MYO18B: variants seen among roughly 807,000 people sequenced by gnomAD.
MYO18B encodes the protein unconventional myosin-XVIIIb.
In MYO18B, 204 loss-of-function variants were observed where a neutral mutation model predicts 273.0. The ratio of observed to expected loss-of-function variants is 0.75; its 90% confidence interval spans 0.67 to 0.84. The LOEUF (loss-of-function observed/expected upper bound fraction) is 0.84. MYO18B is among the 40% of genes least tolerant of loss of function. MYO18B has a pLI of 0.00. For synonymous variants in MYO18B, 1,330 were observed against 1,305.7 expected, an observed-to-expected ratio of 1.02 and a Z score of -0.40; for missense variants, 3,212 against 3,287.6, an observed-to-expected ratio of 0.98 and a Z score of 0.56.
At chr22:25,944,824 G>A (rs1180164830) in intron 34 of MYO18B, among the ~76,000 whole-genome samples, 1 of 148,822 alleles carries the variant, frequency 6.7e-6, no homozygotes, top group Non-Finnish European at 1.5e-5. Flanking sequence ...TCCATCGTGG[G>A]CGACAGAGCA....
chr22:25,759,802 C>T (rs2086244805), intron 1 of MYO18B, among the ~76,000 whole-genome samples: 1 of 152,150 alleles, frequency 6.6e-6, no homozygotes, highest in Admixed American at 6.5e-5. Context: ...CATACTGTTA[C>T]TGCGAATTGG....
chr22:25,954,475 T>C (rs1288099487), intron 38 of MYO18B, among the ~76,000 whole-genome samples: 1 of 151,888 alleles, frequency 6.6e-6, no homozygotes, highest in African/African-American at 2.4e-5. Context: ...CCATCCCTTA[T>C]CTGGCACATC....
At chr22:25,818,570 G>T (rs533599114) in intron 12 of MYO18B, among the ~76,000 whole-genome samples, 8 of 152,330 alleles carry the variant, frequency 5.3e-5, no homozygotes, top group Middle Eastern at 3.4e-3. Context: ...TTGAGAAGAA[G>T]TGACCTCAGC....
chr22:25,882,627 G>A (rs924250025), intron 25 of MYO18B, among the ~76,000 whole-genome samples: 9 of 152,192 alleles, frequency 5.9e-5, no homozygotes, highest in Non-Finnish European at 8.8e-5. Context: ...CAGGAAGCAC[G>A]TTTGATGACT....
intron 39 of MYO18B, among the ~76,000 whole-genome samples, chr22:25,981,600 C>G: frequency 6.6e-6 from 1 of 152,142 alleles, no homozygotes; most frequent in South Asian, 2.1e-4. Flanking sequence ...AAAAAATTAG[C>G]CTGGTGTGAT....
intron 17 of MYO18B, among the ~76,000 whole-genome samples, chr22:25,835,823 G>A (rs1194763998): frequency 2.0e-5 from 3 of 152,248 alleles, no homozygotes; most frequent in Admixed American, 6.5e-5. Flanking sequence ...CTAACAGAGA[G>A]CCAGGAACAC....
intron 34 of MYO18B, among the ~76,000 whole-genome samples, chr22:25,936,071 G>A (rs1210833813): frequency 1.3e-5 from 2 of 152,228 alleles, no homozygotes; most frequent in Non-Finnish European, 2.9e-5. Context: ...GGAGCCCAGT[G>A]TCCAGTGGGG....
At chr22:25,800,174 G>A (rs1191538837) in intron 12 of MYO18B, among the ~76,000 whole-genome samples, 2 of 151,964 alleles carry the variant, frequency 1.3e-5, no homozygotes, top group African/African-American at 4.8e-5. Context: ...TAGACTTTGG[G>A]GACTCAGGAG....
chr22:25,750,595 C>T (rs2085904145), intron 1 of MYO18B, among the ~76,000 whole-genome samples: 1 of 152,102 alleles, frequency 6.6e-6, no homozygotes, highest in Non-Finnish European at 1.5e-5. Context: ...CCTCCAGGAA[C>T]CTTGTGGAAC....
At chr22:25,781,171 A>G (rs890481626) in intron 9 of MYO18B, among the ~76,000 whole-genome samples, 6 of 152,218 alleles carry the variant, frequency 3.9e-5, no homozygotes, top group African/African-American at 1.4e-4. Flanking sequence ...TTTGATTGTT[A>G]TTACCTTTGA....
At chr22:25,886,109 C>T (rs1351953043) in intron 25 of MYO18B, among the ~76,000 whole-genome samples, 1 of 152,246 alleles carries the variant, frequency 6.6e-6, no homozygotes, top group Non-Finnish European at 1.5e-5. Context: ...TCAGTTTCCC[C>T]ATCTGCCACC....
intron 39 of MYO18B, among the ~76,000 whole-genome samples, chr22:25,959,767 G>A (rs1469613042): frequency 6.6e-6 from 1 of 152,202 alleles, no homozygotes. Flanking sequence ...GGAGGGGCCC[G>A]GGTGTGAGGT....
Position 25,946,259 on chromosome 22 carries a change from C to T in MYO18B, c.5631+9C>T. ...CGCGGAACAAGAGCCTGGTACCTGT[C>T]CCTTCCTGCAGCTGCAGGGACCTGG... On this transcript the variant is annotated intron_variant, in intron 35 of 43. Coordinates refer to ENST00000335473, the MANE Select transcript of MYO18B (RefSeq NM_032608.7). The T allele has an allele frequency of 6.4e-7, 1 of 1,556,556 alleles. No individual in the cohort carries two copies. Among genetic ancestry groups the T allele is most frequent in the Non-Finnish European group, 8.7e-7 (1 of 1,150,086 alleles).
At chr22:25,858,149 G>A (rs1601375830) in intron 21 of MYO18B, among the ~76,000 whole-genome samples, 1 of 152,246 alleles carries the variant, frequency 6.6e-6, no homozygotes, top group South Asian at 2.1e-4. Flanking sequence ...GGCCACTTGT[G>A]TGAGAGGCTC....
intron 14 of MYO18B, among the ~76,000 whole-genome samples, 168 bp downstream of exon 14, chr22:25,826,667 C>T (rs1052369826): frequency 7.2e-5 from 11 of 152,142 alleles, no homozygotes; most frequent in South Asian, 2.1e-4. Flanking sequence ...GCTGTGAGGT[C>T]GGCAAATCAG....
In MYO18B at chr22:25,780,021, A is replaced by G. The variant is rs1324178471; in HGVS notation, c.2069-35A>G. On this transcript the variant is annotated intron_variant, in intron 8 of 43. Transcript: ENST00000335473. ...AGGTGGCAGTGGCAGCACCTGGGCC[A>G]TCAGTGACATGTGGCCCCATGCTGC... is the stretch of plus-strand genomic sequence containing the variant. 3.2e-6 allele frequency: 5 copies of G among 1,539,118 alleles called. 1 individual carries two copies. In the Admixed American group the frequency reaches 7.6e-5, roughly 23 times the overall value.
At chr22:25,872,009 C>T (rs1305829125) in intron 22 of MYO18B, among the ~76,000 whole-genome samples, 2 of 151,830 alleles carry the variant, frequency 1.3e-5, no homozygotes, top group Non-Finnish European at 2.9e-5. Flanking sequence ...TTGGGACTCA[C>T]TAGCTTGTGA....
chr22:25,916,105 C>G (rs1403273985), intron 33 of MYO18B, among the ~76,000 whole-genome samples: 2 of 152,116 alleles, frequency 1.3e-5, no homozygotes, highest in Admixed American at 6.5e-5. Flanking sequence ...ATTATTTCAT[C>G]TAATTTTTCA....
At chr22:25,792,241 G>T (rs938233576) in intron 11 of MYO18B, among the ~76,000 whole-genome samples, 1 of 152,130 alleles carries the variant, frequency 6.6e-6, no homozygotes, top group African/African-American at 2.4e-5. Context: ...CTCCTCTGTT[G>T]GTTGGAGAGA....
Sources: allele counts gnomAD v4.1 joint callset (sites outside exome capture counted in the v4.1 genomes callset), GRCh38; gene constraint gnomAD v4.1.1; transcripts MANE v1.5; gene names NCBI Gene and HGNC (gene_info 2026-07-23, HGNC 2026-07-21).